Variants in SPICE1 observed in about 807,000 individuals in gnomAD.
SPICE1 encodes the protein spindle and centriole-associated protein 1.
In SPICE1, 75 loss-of-function variants were observed where a neutral mutation model predicts 102.7. The observed-to-expected ratio is 0.73, with a 90% CI of 0.61 to 0.88. SPICE1 has a LOEUF of 0.88. SPICE1 is among the 40% of genes least tolerant of loss of function. The pLI, the probability that SPICE1 is intolerant of heterozygous loss-of-function variation, is 0.00. For synonymous variants in SPICE1, 308 were observed against 350.3 expected (o/e 0.88, Z 1.35); for missense variants, 979 against 1,020.1 (o/e 0.96, Z 0.55).
chr3:113,481,225 A>G (rs1158772073), intron 7 of SPICE1, among the ~76,000 whole-genome samples: 3 of 152,170 alleles, frequency 2.0e-5, no homozygotes, highest in Non-Finnish European at 4.4e-5. Flanking sequence ...CAACACATGG[A>G]AATCAGTAAC....
At chr3:113,473,736 T>C (rs1180027855) in intron 7 of SPICE1, among the ~76,000 whole-genome samples, 1 of 151,448 alleles carries the variant, frequency 6.6e-6, no homozygotes, top group Non-Finnish European at 1.5e-5. Context: ...AAGCAAATGC[T>C]GAGAGATTTT....
intron 4 of SPICE1, among the ~76,000 whole-genome samples, chr3:113,495,782 C>T (rs1030152828): frequency 6.6e-6 from 1 of 152,136 alleles, no homozygotes; most frequent in South Asian, 2.1e-4. Context: ...AGAAAAATTA[C>T]ACAAAGCTTA....
intron 14 of SPICE1, among the ~76,000 whole-genome samples, chr3:113,451,229 T>C (rs542155240): frequency 4.5e-4 from 68 of 152,194 alleles, no homozygotes; most frequent in Non-Finnish European, 7.5e-4. Context: ...CTAAGGTATC[T>C]GATTCAAGAA....
chr3:113,459,857 G>A (rs959436887), intron 12 of SPICE1: 3 of 980,234 alleles, frequency 3.1e-6, no homozygotes, highest in African/African-American at 1.8e-5. Context: ...ACTCCAGCCT[G>A]GGTGACAGAG....
rs529593274 is a variant in SPICE1 at position 113,507,057 on chromosome 3, A to C, written c.1-452T>G. ...AACACTCAAAATCACTACCAGGTAC[A>C]TATGGGCTTACTTGAAAATAAAAGT... On this transcript the variant is annotated intron_variant, in intron 1 of 17. Transcript: ENST00000295872. Among the ~76,000 whole-genome samples the C allele has an allele frequency of 3.3e-4, 51 of 152,354 alleles. 3 individuals carry two copies. In the South Asian group the frequency reaches 9.5e-3, roughly 28 times the overall value.
intron 2 of SPICE1, among the ~76,000 whole-genome samples, chr3:113,504,628 A>G (rs533993677): frequency 1.1e-4 from 17 of 151,900 alleles, no homozygotes; most frequent in Non-Finnish European, 2.1e-4. Flanking sequence ...AGGTACAACT[A>G]CAGGATCATG....
At chr3:113,488,924 A>T in intron 7 of SPICE1, 21 bp downstream of exon 7, 1 of 1,451,882 alleles carries the variant, frequency 6.9e-7, no homozygotes, top group South Asian at 1.2e-5. Flanking sequence ...AGTTGTAAAT[A>T]TTTATGCCAT....
chr3:113,486,037 G>A (rs143404329), intron 7 of SPICE1, among the ~76,000 whole-genome samples: 5,225 of 152,008 alleles, frequency 0.034, 303 homozygotes, highest in African/African-American at 0.12. Context: ...CTTGAACCTG[G>A]GATGTGGAGG....
intron 4 of SPICE1, among the ~76,000 whole-genome samples, chr3:113,497,104 C>A (rs1168080458): frequency 6.6e-6 from 1 of 152,192 alleles, no homozygotes; most frequent in African/African-American, 2.4e-5. Context: ...GACTTTCTGG[C>A]CAACAGGATA....
intron 3 of SPICE1, among the ~76,000 whole-genome samples, chr3:113,502,058 T>A (rs1937018455): frequency 6.6e-6 from 1 of 152,216 alleles, no homozygotes; most frequent in East Asian, 1.9e-4. Flanking sequence ...CAATGGAATA[T>A]TATTTGGCAA....
At chr3:113,486,859 G>GGA (rs1411878355) in intron 7 of SPICE1, among the ~76,000 whole-genome samples, 8 of 116,264 alleles carry the variant, frequency 6.9e-5, no homozygotes, top group African/African-American at 3.0e-4. Flanking sequence ...GAGAAAATAA[G>GGA]GAGATATATA....
chr3:113,478,018 T>TA (rs1378518172), intron 7 of SPICE1, among the ~76,000 whole-genome samples: 6 of 147,874 alleles, frequency 4.1e-5, no homozygotes, highest in Non-Finnish European at 7.5e-5. Context: ...CAATGACATG[T>TA]AAAAAAAAGA....
At chr3:113,452,178 A>C (rs1401328863) in intron 14 of SPICE1, among the ~76,000 whole-genome samples, 1 of 152,166 alleles carries the variant, frequency 6.6e-6, no homozygotes, top group African/African-American at 2.4e-5. Context: ...TTAGCCCACA[A>C]AGTTTATTTA....
At chr3:113,494,437 G>A (rs1576644648) in intron 4 of SPICE1, among the ~76,000 whole-genome samples, 1 of 151,998 alleles carries the variant, frequency 6.6e-6, no homozygotes, top group Admixed American at 6.5e-5. Flanking sequence ...CACGAGGTCA[G>A]GAGATCGAGA....
chr3:113,473,544 G>C (rs926325360), intron 7 of SPICE1, among the ~76,000 whole-genome samples: 1 of 152,080 alleles, frequency 6.6e-6, no homozygotes, highest in African/African-American at 2.4e-5. Context: ...GAGAAAGGTC[G>C]GGTTACTGAC....
chr3:113,473,630 T>C (rs2107471288), intron 7 of SPICE1, among the ~76,000 whole-genome samples: 2 of 152,088 alleles, frequency 1.3e-5, no homozygotes, highest in South Asian at 4.2e-4. Context: ...GGGGCCAATA[T>C]TCAACATTCT....
At chr3:113,503,116 G>C in intron 3 of SPICE1, 64 bp downstream of exon 3, 2 of 1,524,196 alleles carry the variant, frequency 1.3e-6, no homozygotes, top group East Asian at 2.3e-5. Flanking sequence ...CTATTCTAAA[G>C]GTTACAAGTC....
intron 17 of SPICE1, 77 bp from the exon 18 acceptor site, chr3:113,445,437 G>C: frequency 8.2e-7 from 1 of 1,215,506 alleles, no homozygotes; most frequent in Non-Finnish European, 1.2e-6. Flanking sequence ...AGATCATTTA[G>C]ACCAAGTGCA....
In SPICE1 at chr3:113,443,365, G is replaced by C. The variant is rs1037050556; in HGVS notation, c.*1942C>G. The C allele has an allele frequency of 3.3e-5, 5 of 152,282 alleles. No homozygotes were observed. The highest frequency in any genetic ancestry group is 1.2e-4 in the African/African-American group (5 of 41,552). 9.4% of individuals were successfully genotyped at this position (152,282 alleles called of 1,614,324 possible). ...TACTGTATTAGTTCCCGTAAATTAG[G>C]AGAAATCCAGTAACTGCAAGAAAGA... On this transcript the variant is annotated 3_prime_UTR_variant, in exon 18 of 18. Transcript: ENST00000295872.
Sources: allele counts gnomAD v4.1 joint callset (sites outside exome capture counted in the v4.1 genomes callset), GRCh38; gene constraint gnomAD v4.1.1; transcripts MANE v1.5; gene names NCBI Gene and HGNC (gene_info 2026-07-23, HGNC 2026-07-21).